The following PDE9A variants were observed in gnomAD, a reference collection of about 807,000 sequenced individuals.
PDE9A encodes phosphodiesterase 9A.
Under a neutral mutation model 87.4 loss-of-function variants are expected in PDE9A, and 60 were observed. The observed-to-expected ratio is 0.69, with a 90% CI of 0.56 to 0.85. The LOEUF (loss-of-function observed/expected upper bound fraction) is 0.85. Ranked by LOEUF, PDE9A falls within the 40% of genes least tolerant of loss-of-function variation. The pLI, the probability that PDE9A is intolerant of heterozygous loss-of-function variation, is 0.00. For missense variants in PDE9A, 665 were observed against 779.0 expected, an observed-to-expected ratio of 0.85 and a Z score of 1.74; for synonymous variants, 272 against 279.4, an observed-to-expected ratio of 0.97 and a Z score of 0.27.
chr21:42,654,322 C>A (rs2056885503), intron 1 of PDE9A, among the ~76,000 whole-genome samples: 1 of 152,104 alleles, frequency 6.6e-6, no homozygotes, highest in African/African-American at 2.4e-5. Context: ...AGGTGAGTAG[C>A]TCCGACTGCA....
At chr21:42,697,553 C>A in intron 3 of PDE9A, 3 of 997,376 alleles carry the variant, frequency 3.0e-6, no homozygotes, top group Non-Finnish European at 4.8e-6. Flanking sequence ...GTGTCTCAGT[C>A]TGTCTGAACT....
At chr21:42,655,579 A>G (rs2056998646) in intron 1 of PDE9A, among the ~76,000 whole-genome samples, 1 of 152,172 alleles carries the variant, frequency 6.6e-6, no homozygotes. Context: ...ATTGACTGCC[A>G]GCTCTACCAC....
rs2054770342 is a variant in PDE9A at position 42,754,210 on chromosome 21, T to C, written c.810+146T>C. On this transcript the variant is annotated intron_variant, in intron 10 of 19. Transcript: ENST00000291539. ...TGAAAAAAAAAAACAAAACTTGTTT[T>C]GCCAGGTTTTAGTTGAAACTAACTA... 14 of 600,742 alleles carry C rather than the reference T, an allele frequency of 2.3e-5. No individual in the cohort carries two copies. In the South Asian group the frequency reaches 2.6e-4, roughly 11 times the overall value. 37.2% of individuals were successfully genotyped at this position (600,742 alleles called of 1,614,324 possible). A position where few individuals can be genotyped will look rare whatever the true frequency, so the allele number is the denominator to read the frequency against.
intron 10 of PDE9A, among the ~76,000 whole-genome samples, chr21:42,754,569 C>G (rs776540936): frequency 1.3e-5 from 2 of 152,238 alleles, no homozygotes; most frequent in Non-Finnish European, 2.9e-5. Flanking sequence ...TGCAGCAAGG[C>G]TTGAGGCCAG....
chr21:42,761,992 T>C, intron 13 of PDE9A, 91 bp from the exon 14 acceptor site: 1 of 1,323,490 alleles, frequency 7.6e-7, no homozygotes, highest in Non-Finnish European at 1.1e-6. Context: ...CTGACTCTAC[T>C]TGCTCCACTT....
chr21:42,751,690 G>A (rs1043238782), intron 9 of PDE9A, among the ~76,000 whole-genome samples: 5 of 151,388 alleles, frequency 3.3e-5, no homozygotes, highest in South Asian at 2.1e-4. Flanking sequence ...TCGAGTTGCC[G>A]GTCACCCGCT....
chr21:42,753,933 A>G (rs911595183), intron 9 of PDE9A, 57 bp from the exon 10 acceptor site: 1 of 844,606 alleles, frequency 1.2e-6, no homozygotes, highest in East Asian at 2.5e-5. Flanking sequence ...CTCAGCATGC[A>G]CATCACTGTC....
chr21:42,673,165 C>T (rs1343073435), intron 1 of PDE9A, among the ~76,000 whole-genome samples: 1 of 152,146 alleles, frequency 6.6e-6, no homozygotes, highest in Non-Finnish European at 1.5e-5. Flanking sequence ...ATCAGAGCCT[C>T]AGAAAAGTTA....
Position 42,759,026 on chromosome 21 carries a change from C to G in PDE9A, c.838C>G (p.His280Asp), listed in dbSNP as rs1173856671. The change falls in exon 11 of 20, where the codon CAC becomes GAC. Residue 280 changes from histidine (H) to aspartate (D), a missense_variant. By Grantham distance (81) the His-to-Asp change is moderately conservative (BLOSUM62 -1). Transcript: ENST00000291539. The surrounding 1 kb of genome is among the most constrained non-coding windows in gnomAD (Gnocchi z 7.2). ...EMLSCLEHMY[H>D]DLGLVRDFSI... is the part of the protein sequence containing the mutation. ...GCTGAGCTGCCTGGAGCACATGTAC[C>G]ACGACCTCGGGCTGGTCAGGGACTT... The G allele has an allele frequency of 1.2e-6, 2 of 1,613,962 alleles. No individual in the cohort carries two copies. Among genetic ancestry groups the G allele is most frequent in the East Asian group, 2.2e-5 (1 of 44,896 alleles).
At chr21:42,669,354 C>T (rs1277820600) in intron 1 of PDE9A, among the ~76,000 whole-genome samples, 1 of 152,152 alleles carries the variant, frequency 6.6e-6, no homozygotes, top group Non-Finnish European at 1.5e-5. Flanking sequence ...TTGACATCCC[C>T]GCCTCCCCTG....
At chr21:42,772,853 T>A (rs367654518) in intron 19 of PDE9A, among the ~76,000 whole-genome samples, 1 of 151,512 alleles carries the variant, frequency 6.6e-6, no homozygotes, top group African/African-American at 2.4e-5. Context: ...AGGCTGGTCT[T>A]GAACTCCTGA....
At chr21:42,770,421 C>T (rs1213052532) in intron 17 of PDE9A, among the ~76,000 whole-genome samples, 2 of 152,172 alleles carry the variant, frequency 1.3e-5, no homozygotes, top group South Asian at 2.1e-4. Context: ...TCCCCTGCCC[C>T]GTGTCTTTGT....
intron 4 of PDE9A, among the ~76,000 whole-genome samples, chr21:42,718,710 A>G (rs1327835173): frequency 6.6e-6 from 1 of 151,760 alleles, no homozygotes; most frequent in Non-Finnish European, 1.5e-5. Flanking sequence ...ACGTACCTGC[A>G]ATTGCTGCAT....
At position 42,705,544 on chromosome 21, in the gene PDE9A, G is replaced by A. The variant is rs1424781342; in HGVS notation, c.262+6533G>A. The stretch of plus-strand genomic sequence containing the variant: ...CCTCCCTCAGCGTGGCAGATCGCGT[G>A]GGTCCATGGGTCCGTGTGATCTCAT... On this transcript the variant is annotated intron_variant, in intron 4 of 19. Transcript: ENST00000291539. The surrounding 1 kb of genome is among the most constrained non-coding windows in gnomAD (Gnocchi z 4.3). Among the ~76,000 whole-genome samples the A allele has an allele frequency of 6.6e-6, 1 of 152,134 alleles. No homozygotes were observed. Among genetic ancestry groups the A allele is most frequent in the Non-Finnish European group, 1.5e-5 (1 of 68,022 alleles).
At chr21:42,732,846 G>A (rs1303000443) in intron 6 of PDE9A, among the ~76,000 whole-genome samples, 1 of 152,208 alleles carries the variant, frequency 6.6e-6, no homozygotes, top group Admixed American at 6.5e-5. Flanking sequence ...CCCGGGAGGT[G>A]GAGGTTGCCG....
At chr21:42,697,622 G>C (rs2060216308) in intron 3 of PDE9A, 1 of 722,228 alleles carries the variant, frequency 1.4e-6, no homozygotes, top group African/African-American at 1.7e-5. Context: ...ATGAGGGTGT[G>C]GGCAGGTTCT....
chr21:42,669,495 C>T (rs1686591337), intron 1 of PDE9A, among the ~76,000 whole-genome samples: 1 of 152,184 alleles, frequency 6.6e-6, no homozygotes, highest in South Asian at 2.1e-4. Flanking sequence ...ATTGAAGGTT[C>T]CTGTGTGCGG....
At chr21:42,738,310 C>T (rs76239577) in intron 7 of PDE9A, among the ~76,000 whole-genome samples, 2,283 of 152,332 alleles carry the variant, frequency 0.015, 53 homozygotes, top group African/African-American at 0.052. Flanking sequence ...GTGTGCTCTA[C>T]GCGGGCTCTT....
At chr21:42,698,805 G>C in intron 3 of PDE9A, 163 bp from the exon 4 acceptor site, 1 of 483,358 alleles carries the variant, frequency 2.1e-6, no homozygotes. Context: ...ATCTGAGTAA[G>C]GAAGCTGAGA....
Sources: gnomAD v4.1 joint callset for allele counts (sites outside exome capture counted in the v4.1 genomes callset) on GRCh38, gnomAD v4.1.1 for gene constraint, Gnocchi (gnomAD v3.1) non-coding constraint, MANE v1.5 for transcripts, NCBI Gene and HGNC (gene_info 2026-07-23, HGNC 2026-07-21) for gene names.